The following HMCN2 variants were observed in gnomAD, a reference collection of about 807,000 sequenced individuals.
The protein encoded by HMCN2 is hemicentin-2.
HMCN2 carries 325 observed loss-of-function variants against 377.5 expected under a neutral mutation model. That is an observed-to-expected ratio of 0.86 (90% CI 0.79 to 0.94). HMCN2 has a LOEUF of 0.94. Ranked by LOEUF, HMCN2 falls within the 40% of genes least tolerant of loss-of-function variation. The pLI is 0.00. For missense variants in HMCN2, 4,543 were observed against 4,725.3 expected, an observed-to-expected ratio of 0.96 and a Z score of 1.13; for synonymous variants, 2,007 against 2,046.8, an observed-to-expected ratio of 0.98 and a Z score of 0.53.
rs1844892436 is a variant in HMCN2, at chr9:130,433,485, T to A, written c.15032T>A (p.Val5011Asp). Reference sequence around the variant, plus strand: ...CTCACCGCCTTCTCCGAGGTCGGCGTCCCCGCCAACCGCACCGAGCTCAGC... The same window carrying A: ...CTCACCGCCTTCTCCGAGGTCGGCGACCCCGCCAACCGCACCGAGCTCAGC... ...ARLTAFSEVG[V>D]PANRTELSML... Residue 5011 changes from valine (V) to aspartate (D), a missense_variant, in exon 98 of 98, where the codon GTC becomes GAC. Physicochemically the swap from Val to Asp is radical, Grantham distance 152. Transcript: ENST00000683500. The A allele has an allele frequency of 6.7e-7, 1 of 1,498,152 alleles. No homozygotes were observed. Among genetic ancestry groups the A allele is most frequent in the African/African-American group, 1.5e-5 (1 of 68,646 alleles). The allele number at this position is 1,498,152 out of a possible 1,614,324, so 92.8% of individuals were successfully genotyped here.
rs1022297658 is a variant in HMCN2 at position 130,304,100 on chromosome 9, A to G, written c.1543+492A>G. Among the ~76,000 whole-genome samples, 1 of 152,398 alleles carries G rather than the reference A, an allele frequency of 6.6e-6. No homozygotes were observed. Among genetic ancestry groups the G allele is most frequent in the African/African-American group, 2.4e-5 (1 of 41,602 alleles). ...GATCAGCCACTCTACATAGACAGCC[A>G]GAAACTACACATGCTCTTTGTAGGA... On this transcript the variant is annotated intron_variant, in intron 10 of 97. Transcript: ENST00000683500. The surrounding 1 kb of genome is among the most constrained non-coding windows in gnomAD (Gnocchi z 4.3).
At chr9:130,388,091 C>T (rs1036659321) in intron 61 of HMCN2, among the ~76,000 whole-genome samples, 1 of 152,052 alleles carries the variant, frequency 6.6e-6, no homozygotes, top group African/African-American at 2.4e-5. Context: ...TGGTGTCTGC[C>T]TGGGGTGTGT....
chr9:130,429,228 C>A lies in HMCN2; in HGVS notation c.14198-329C>A, dbSNP rs767367534. The A allele has an allele frequency of 5.8e-5, 20 of 343,616 alleles. 1 individual carries two copies. Among genetic ancestry groups the A allele is most frequent in the Middle Eastern group, 1.7e-3 (2 of 1,160 alleles). 21.3% of individuals were successfully genotyped at this position (343,616 alleles called of 1,614,324 possible). A position where few individuals can be genotyped will look rare whatever the true frequency, so the allele number is the denominator to read the frequency against. ...CCACGACCCCATGAAGAGGTCACAT[C>A]TTTACCCTCTTTATGGATGAGGAAA... On this transcript the variant is annotated intron_variant, in intron 93 of 97. Transcript: ENST00000683500.
intron 54 of HMCN2, among the ~76,000 whole-genome samples, chr9:130,380,485 T>C (rs1454323138): frequency 1.3e-5 from 2 of 151,982 alleles, no homozygotes; most frequent in Non-Finnish European, 2.9e-5. Flanking sequence ...TCTACTTTGG[T>C]GCTTGCAAGA....
At chr9:130,329,761 G>C (rs886215947) in intron 22 of HMCN2, among the ~76,000 whole-genome samples, 3 of 151,608 alleles carry the variant, frequency 2.0e-5, no homozygotes, top group Non-Finnish European at 4.4e-5. Flanking sequence ...ACTTTTGATT[G>C]TACTTGAAGC....
chr9:130,397,186 G>A (rs1423393147), intron 73 of HMCN2, among the ~76,000 whole-genome samples: 3 of 152,194 alleles, frequency 2.0e-5, no homozygotes, highest in Non-Finnish European at 4.4e-5. Context: ...AAGGAAAGGA[G>A]GAACAAGTTA....
rs915806968 is a variant in HMCN2, at chr9:130,364,762, A to G, written c.6281A>G (p.Asn2094Ser). The part of the protein sequence containing the change: ...GEELNVSVVA[N>S]ESVALECQSH... ...GAGCTGAATGTGTCCGTTGTGGCCA[A>G]TGAGTCAGTGGCCCTGGAGTGCCAG... The change falls in exon 41 of 98, where the codon AAT becomes AGT. Residue 2094 changes from asparagine to serine, a missense_variant. By Grantham distance (46) the Asn-to-Ser change is conservative (BLOSUM62 1). Transcript: ENST00000683500. The G allele has an allele frequency of 3.0e-6, 3 of 985,794 alleles. No homozygotes were observed. The highest frequency in any genetic ancestry group is 3.6e-6 in the Non-Finnish European group (3 of 829,998). The allele number at this position is 985,794 out of a possible 1,614,324, so 61.1% of individuals were successfully genotyped here.
chr9:130,394,809 G>C lies in HMCN2; in HGVS notation c.10693-218G>C, dbSNP rs892091780. On this transcript the variant is annotated intron_variant, in intron 69 of 97. Coordinates refer to ENST00000683500, the MANE Select transcript of HMCN2 (RefSeq NM_001291815.2). This position sits in a 1 kb window ranked among gnomAD's most constrained non-coding sequence, Gnocchi z 5.1. ...CCCCATCTAGGCCAGAGGAGGGCTG[G>C]TGCAGTTAAGGGGGACTTCTGGGAA... 2.0e-5 allele frequency among the ~76,000 whole-genome samples: 3 copies of C among 152,216 alleles called. No homozygotes were observed. The highest frequency in any genetic ancestry group is 4.4e-5 in the Non-Finnish European group (3 of 68,032).
chr9:130,425,776 C>T lies in HMCN2; in HGVS notation c.13731C>T (p.Phe4577=). ...QRFFQGGLPS[F]LRCNHSIQYN... ...TCTTCCAGGGCGGCCTCCCCTCGTT[C>T]CTACGCTGCAACCACAGCATCCAGT... The change falls in exon 90 of 98, where the codon TTC becomes TTT. Residue 4577 remains phenylalanine, a synonymous_variant. Coordinates refer to ENST00000683500, the MANE Select transcript of HMCN2 (RefSeq NM_001291815.2). The T allele has an allele frequency of 1.3e-6, 2 of 1,550,616 alleles. No individual in the cohort carries two copies. The highest frequency in any genetic ancestry group is 3.9e-5 in the Admixed American group (2 of 51,012).
At chr9:130,382,610 C>T (rs1240313441) in intron 55 of HMCN2, 69 bp from the exon 56 acceptor site, 4 of 615,128 alleles carry the variant, frequency 6.5e-6, no homozygotes, top group Non-Finnish European at 8.1e-6. Flanking sequence ...GTGCCACTCT[C>T]GCCTCCACGG....
chr9:130,414,404 G>A lies in HMCN2; in HGVS notation c.12961+3752G>A, dbSNP rs1300233499. ...GCTTCCACGCTGACCTGGCGGAAGT[G>A]AGTGGCACCACTTTTTCTTGGCAGT... is the stretch of plus-strand genomic sequence containing the variant. On this transcript the variant is annotated intron_variant, in intron 85 of 97. Coordinates refer to ENST00000683500, the MANE Select transcript of HMCN2 (RefSeq NM_001291815.2). This position sits in a 1 kb window ranked among gnomAD's most constrained non-coding sequence, Gnocchi z 4.4. 6.6e-6 allele frequency among the ~76,000 whole-genome samples: 1 copy of A among 152,202 alleles called. No individual in the cohort carries two copies. Among genetic ancestry groups the A allele is most frequent in the Non-Finnish European group, 1.5e-5 (1 of 68,040 alleles).
intron 97 of HMCN2, chr9:130,432,931 C>G (rs1464038352): frequency 5.5e-6 from 2 of 361,538 alleles, no homozygotes; most frequent in East Asian, 5.4e-5. Flanking sequence ...GTGACCTGCC[C>G]CAGGCCTTAC....
chr9:130,395,429 G>A, intron 71 of HMCN2, 82 bp downstream of exon 71: 1 of 1,176,700 alleles, frequency 8.5e-7, no homozygotes. Context: ...CCAAGATCCA[G>A]AGCGGGTGCC....
Position 130,423,732 on chromosome 9 carries a change from C to T in HMCN2, c.13381+1006C>T, listed in dbSNP as rs991031595. Among the ~76,000 whole-genome samples, 10 of 152,160 alleles carry T rather than the reference C, an allele frequency of 6.6e-5. No individual in the cohort carries two copies. The highest frequency in any genetic ancestry group is 2.1e-4 in the South Asian group (1 of 4,830). On this transcript the variant is annotated intron_variant, in intron 87 of 97. Transcript: ENST00000683500. The surrounding 1 kb of genome is among the most constrained non-coding windows in gnomAD (Gnocchi z 5.5). ...GCCCCACCTGGTCCTGCGTGGAGGGCGGGGCATCACATGAAGAAGATCTGA... is the reference window on the plus strand; with the variant it reads ...GCCCCACCTGGTCCTGCGTGGAGGGTGGGGCATCACATGAAGAAGATCTGA...
chr9:130,292,853 C>A (rs1835859274), intron 4 of HMCN2, among the ~76,000 whole-genome samples: 1 of 152,138 alleles, frequency 6.6e-6, no homozygotes. Context: ...GCCACTTCTC[C>A]AAGGAACCCT....
At chr9:130,334,884 T>C (rs1214128464) in intron 22 of HMCN2, among the ~76,000 whole-genome samples, 1 of 148,708 alleles carries the variant, frequency 6.7e-6, no homozygotes, top group Non-Finnish European at 1.5e-5. Context: ...CTTGCCCCGT[T>C]GCCCAGGCTG....
chr9:130,419,868 C>T (rs891257708), intron 86 of HMCN2, among the ~76,000 whole-genome samples: 3 of 152,190 alleles, frequency 2.0e-5, no homozygotes, highest in East Asian at 1.9e-4. Context: ...TGGAAATCCA[C>T]GTGAAACCCA....
chr9:130,357,741 C>T (rs1840117863), intron 34 of HMCN2, 93 bp from the exon 35 acceptor site: 1 of 1,019,444 alleles, frequency 9.8e-7, no homozygotes, highest in African/African-American at 1.7e-5. Context: ...TCAAGGGCAC[C>T]TTCTCACCCC....
chr9:130,277,811 CCATCATCATCAT>C (rs1564739507), intron 1 of HMCN2, among the ~76,000 whole-genome samples: 2 of 72,630 alleles, frequency 2.8e-5, no homozygotes, highest in Non-Finnish European at 5.6e-5. Context: ...ACCACCACCA[CCATCATCATCAT>C]CACCACCACC....
Sources: gnomAD v4.1 joint callset for allele counts (sites outside exome capture counted in the v4.1 genomes callset) on GRCh38, gnomAD v4.1.1 for gene constraint, Gnocchi (gnomAD v3.1) non-coding constraint, MANE v1.5 for transcripts, NCBI Gene and HGNC (gene_info 2026-07-23, HGNC 2026-07-21) for gene names.